The following CTNNA1 variants were observed in gnomAD, a reference collection of about 807,000 sequenced individuals.
CTNNA1 encodes catenin alpha-1.
A neutral mutation model predicts 98.4 loss-of-function variants in CTNNA1; 37 were observed. The ratio of observed to expected loss-of-function variants is 0.38; its 90% confidence interval spans 0.29 to 0.49. The LOEUF (loss-of-function observed/expected upper bound fraction) is 0.49, where lower values mean the gene tolerates loss of function less well. Ranked by LOEUF, CTNNA1 falls within the 20% of genes least tolerant of loss-of-function variation. The pLI, the probability that CTNNA1 is intolerant of heterozygous loss-of-function variation, is 0.95. For synonymous variants in CTNNA1, 404 were observed against 413.2 expected (o/e 0.98, Z 0.27); for missense variants, 761 against 1,147.2 (o/e 0.66, Z 4.86).
intron 7 of CTNNA1, among the ~76,000 whole-genome samples, chr5:138,857,592 C>T (rs116526905): frequency 8.0e-4 from 122 of 152,304 alleles, no homozygotes; most frequent in African/African-American, 2.8e-3. Context: ...ACTGGCATTA[C>T]AGATGTGAGC....
At chr5:138,851,424 T>C (rs1763171287) in intron 7 of CTNNA1, among the ~76,000 whole-genome samples, 1 of 152,098 alleles carries the variant, frequency 6.6e-6, no homozygotes, top group South Asian at 2.1e-4. Context: ...GAATAGGTGA[T>C]TTTAGTCTCT....
chr5:138,837,587 TTCTCTCTCTCCTCTCTCC>T (rs1299874319), intron 7 of CTNNA1, among the ~76,000 whole-genome samples: 1 of 140,866 alleles, frequency 7.1e-6, no homozygotes, highest in African/African-American at 2.6e-5. Flanking sequence ...CTCCTCTCTC[TTCTCTCTCTCCTCTCTCC>T]TCTCTCCTCT....
intron 1 of CTNNA1, chr5:138,754,094 C>T (rs1285912426): frequency 6.6e-6 from 1 of 152,236 alleles, no homozygotes; most frequent in Non-Finnish European, 1.5e-5. Context: ...ACAGCTTCGC[C>T]GTAGGTGGGC....
At chr5:138,773,148 C>A (rs1316050724) in intron 1 of CTNNA1, among the ~76,000 whole-genome samples, 1 of 152,134 alleles carries the variant, frequency 6.6e-6, no homozygotes, top group Non-Finnish European at 1.5e-5. Context: ...TAAAAACATG[C>A]CTTGGCTCTG....
chr5:138,802,583 C>A (rs1757696188), intron 3 of CTNNA1, among the ~76,000 whole-genome samples: 1 of 152,064 alleles, frequency 6.6e-6, no homozygotes, highest in Admixed American at 6.5e-5. Context: ...AATCATAATT[C>A]TCTGTGATTA....
chr5:138,905,910 A>G (rs1177055262), intron 10 of CTNNA1, among the ~76,000 whole-genome samples: 1 of 152,252 alleles, frequency 6.6e-6, no homozygotes, highest in African/African-American at 2.4e-5. Context: ...AGTGGCCTCA[A>G]ATAAAGGAGA....
intron 1 of CTNNA1, among the ~76,000 whole-genome samples, chr5:138,772,008 A>G (rs1753607994): frequency 6.6e-6 from 1 of 152,214 alleles, no homozygotes; most frequent in African/African-American, 2.4e-5. Flanking sequence ...AGGAGCAGAC[A>G]CATTTTAAGC....
At chr5:138,930,155 C>G (rs969796885) in intron 14 of CTNNA1, among the ~76,000 whole-genome samples, 11 of 152,190 alleles carry the variant, frequency 7.2e-5, no homozygotes, top group Admixed American at 3.9e-4. Flanking sequence ...AACCCCTTCT[C>G]TCATTTCTTG....
intron 4 of CTNNA1, 96 bp from the exon 5 acceptor site, chr5:138,812,087 G>A (rs1758874612): frequency 8.9e-7 from 1 of 1,125,556 alleles, no homozygotes; most frequent in Non-Finnish European, 1.3e-6. Flanking sequence ...TGCTTTTTGA[G>A]TAGTTGTTAA....
chr5:138,891,555 G>A (rs1218635872), intron 9 of CTNNA1, among the ~76,000 whole-genome samples: 1 of 152,174 alleles, frequency 6.6e-6, no homozygotes, highest in Non-Finnish European at 1.5e-5. Context: ...GAGGTCAGGA[G>A]TTCGAGACCA....
chr5:138,850,827 AG>A (rs1296606916), intron 7 of CTNNA1, among the ~76,000 whole-genome samples: 1 of 152,210 alleles, frequency 6.6e-6, no homozygotes, highest in Non-Finnish European at 1.5e-5. Context: ...TACAGATTTA[AG>A]TTTTACCTAT....
intron 7 of CTNNA1, among the ~76,000 whole-genome samples, chr5:138,852,869 G>GCACACACACA (rs201282532): frequency 6.6e-6 from 1 of 151,254 alleles, no homozygotes; most frequent in African/African-American, 2.4e-5. Context: ...TCGCGCGCGC[G>GCACACACACA]CGCACACACA....
chr5:138,898,601 T>TA (rs74525874), intron 9 of CTNNA1, among the ~76,000 whole-genome samples: 43,775 of 143,030 alleles, frequency 0.31, 6,570 homozygotes, highest in African/African-American at 0.35. Context: ...GACCCTGTCT[T>TA]AAAAAAAAAA....
intron 7 of CTNNA1, among the ~76,000 whole-genome samples, chr5:138,856,833 T>C (rs976294536): frequency 2.0e-5 from 3 of 152,236 alleles, no homozygotes; most frequent in Non-Finnish European, 2.9e-5. Flanking sequence ...ATGAAATCCT[T>C]ATTGAGATTT....
intron 7 of CTNNA1, among the ~76,000 whole-genome samples, chr5:138,856,468 A>G (rs929320389): frequency 3.9e-5 from 6 of 152,168 alleles, no homozygotes; most frequent in Admixed American, 2.0e-4. Context: ...TCACCACCCA[A>G]GTAGCTGGGA....
chr5:138,811,040 C>T (rs1295236783), intron 4 of CTNNA1, among the ~76,000 whole-genome samples: 10 of 150,324 alleles, frequency 6.7e-5, no homozygotes, highest in Middle Eastern at 3.4e-3. Flanking sequence ...CCCTCCCGGA[C>T]GGGGTGGCTG....
At chr5:138,811,844 G>A in intron 4 of CTNNA1, 1 of 189,478 alleles carries the variant, frequency 5.3e-6, no homozygotes. Flanking sequence ...AGGCAGGGAG[G>A]TTGCAGTGAG....
intron 3 of CTNNA1, 117 bp downstream of exon 3, chr5:138,783,489 T>A (rs544786188): frequency 1.3e-6 from 1 of 798,300 alleles, no homozygotes; most frequent in African/African-American, 1.7e-5. Context: ...GCTCAGTAAC[T>A]TACTTAGTTA....
chr5:138,847,246 C>T (rs1174797072), intron 7 of CTNNA1, among the ~76,000 whole-genome samples: 1 of 152,126 alleles, frequency 6.6e-6, no homozygotes, highest in Non-Finnish European at 1.5e-5. Flanking sequence ...CATGGATTTT[C>T]ACCTTTTGGA....
Sources: allele counts gnomAD v4.1 joint callset (sites outside exome capture counted in the v4.1 genomes callset), GRCh38; gene constraint gnomAD v4.1.1; transcripts MANE v1.5; gene names NCBI Gene and HGNC (gene_info 2026-07-23, HGNC 2026-07-21).